Variants in RUBCN observed in about 807,000 individuals in gnomAD.
RUBCN encodes the protein rubicon autophagy regulator, also known as run domain Beclin-1-interacting and cysteine-rich domain-containing protein.
Under a neutral mutation model 113.2 loss-of-function variants are expected in RUBCN, and 74 were observed. That is an observed-to-expected ratio of 0.65 (90% CI 0.54 to 0.79). RUBCN has a LOEUF of 0.79. Ranked by LOEUF, RUBCN falls within the 30% of genes least tolerant of loss-of-function variation. RUBCN has a pLI of 0.00. For synonymous variants in RUBCN, 480 were observed against 490.0 expected, an observed-to-expected ratio of 0.98 and a Z score of 0.27; for missense variants, 1,109 against 1,251.7, an observed-to-expected ratio of 0.89 and a Z score of 1.72.
At chr3:197,710,434 C>T (rs1419849538) in intron 2 of RUBCN, among the ~76,000 whole-genome samples, 1 of 151,796 alleles carries the variant, frequency 6.6e-6, no homozygotes, top group Non-Finnish European at 1.5e-5. Context: ...AACCCCATCT[C>T]TACTAAAAAT....
chr3:197,718,638 A>G (rs1725808584), intron 1 of RUBCN, among the ~76,000 whole-genome samples: 1 of 152,004 alleles, frequency 6.6e-6, no homozygotes, highest in Non-Finnish European at 1.5e-5. Context: ...TTTTGTAGAG[A>G]TGGGGTCTCA....
intron 1 of RUBCN, among the ~76,000 whole-genome samples, chr3:197,720,028 G>C (rs904210766): frequency 1.3e-5 from 2 of 151,854 alleles, no homozygotes; most frequent in African/African-American, 4.9e-5. Flanking sequence ...TACTCCTTCT[G>C]TCTAACTGTC....
upstream of RUBCN, among the ~76,000 whole-genome samples, chr3:197,740,841 G>A (rs1008547573): frequency 1.3e-5 from 2 of 151,944 alleles, no homozygotes; most frequent in Admixed American, 1.3e-4. Context: ...GGCTGGTCTC[G>A]AACTTCTGAC....
intron 1 of RUBCN, among the ~76,000 whole-genome samples, chr3:197,734,709 G>A (rs575834258): frequency 2.2e-4 from 34 of 152,218 alleles, no homozygotes; most frequent in Middle Eastern, 3.4e-3. Context: ...AGTGGTAGAG[G>A]GAAATCAAAA....
In RUBCN at chr3:197,675,166, A is replaced by G. The variant is rs1415800408; in HGVS notation, c.2771T>C (p.Phe924Ser). 4 of 1,614,124 alleles carry G rather than the reference A, an allele frequency of 2.5e-6. No homozygotes were observed. Among genetic ancestry groups the G allele is most frequent in the Non-Finnish European group, 3.4e-6 (4 of 1,180,036 alleles). ...ECKACYHKAC[F>S]KSGSCPRCER... is the part of the protein sequence containing the mutation. ...GCAGCGCGGACAGCTTCCAGACTTG[A>G]AGCAGGCTTTATGGTAACACGCTTT... Residue 924 changes from phenylalanine to serine, a missense_variant, in exon 20 of 20, where the codon TTC (phenylalanine) becomes TCC (serine). Around this residue, in one of 3 missense-constraint regions of RUBCN, gnomAD observed 306 missense variants for 348.9 expected, o/e 0.88. Coordinates refer to ENST00000296343, the MANE Select transcript of RUBCN (RefSeq NM_014687.4). This position sits in a 1 kb window ranked among gnomAD's most constrained non-coding sequence, Gnocchi z 4.4.
In RUBCN at chr3:197,746,993, G is replaced by T. The variant is rs191165031; in HGVS notation, c.-116+2276C>A. Among the ~76,000 whole-genome samples the T allele has an allele frequency of 2.2e-3, 339 of 151,906 alleles. 1 individual carries two copies. Among genetic ancestry groups the T allele is most frequent in the African/African-American group, 7.7e-3 (318 of 41,408 alleles). On this transcript the variant is annotated intron_variant, in intron 1 of 20. Coordinates refer to the RUBCN transcript ENST00000273582. ...ATGCTCAATGAATATATGATTAAATGAATAGCTACCTCTCCTGCCCCAGAA... is the reference window on the plus strand; with the variant it reads ...ATGCTCAATGAATATATGATTAAATTAATAGCTACCTCTCCTGCCCCAGAA...
At chr3:197,699,126 T>C (rs1723346120) in intron 7 of RUBCN, 1 of 1,231,632 alleles carries the variant, frequency 8.1e-7, no homozygotes, top group African/African-American at 1.5e-5. Context: ...AAGGAGGTTC[T>C]GAACTAAGAA....
chr3:197,740,094 G>C (rs9814756), upstream of RUBCN, among the ~76,000 whole-genome samples: 14 of 152,136 alleles, frequency 9.2e-5, no homozygotes, highest in African/African-American at 3.4e-4. Flanking sequence ...CTGGAAAACA[G>C]GCTTTTTCTC....
At chr3:197,719,207 T>G (rs1725867259) in intron 1 of RUBCN, among the ~76,000 whole-genome samples, 1 of 152,124 alleles carries the variant, frequency 6.6e-6, no homozygotes, top group Non-Finnish European at 1.5e-5. Context: ...CTGGACGCAG[T>G]GGCTCACACC....
chr3:197,740,221 C>A (rs1320965338), upstream of RUBCN, among the ~76,000 whole-genome samples: 1 of 132,084 alleles, frequency 7.6e-6, no homozygotes, highest in African/African-American at 2.5e-5. Flanking sequence ...CCCTCATAAT[C>A]CTGAACCCCT....
chr3:197,710,888 G>C (rs1724891952), intron 2 of RUBCN, among the ~76,000 whole-genome samples: 1 of 151,312 alleles, frequency 6.6e-6, no homozygotes, highest in Non-Finnish European at 1.5e-5. Context: ...GTGTGATCTT[G>C]GCTCACTGCA....
Position 197,671,754 on chromosome 3 carries a change from G to A in RUBCN, c.*3264C>T, listed in dbSNP as rs1037495360. ...TCTAAGGCAAGTCAGATGTTGCGGA[G>A]AGGAAGACACCTCATTTTAAGTGAC... On this transcript the variant is annotated 3_prime_UTR_variant, in exon 20 of 20. Coordinates refer to ENST00000296343, the MANE Select transcript of RUBCN (RefSeq NM_014687.4). 6.6e-6 allele frequency: 1 copy of A among 152,180 alleles called. No homozygotes were observed. The highest frequency in any genetic ancestry group is 1.5e-5 in the Non-Finnish European group (1 of 68,034). The allele number at this position is 152,180 out of a possible 1,614,324, so 9.4% of individuals were successfully genotyped here.
At chr3:197,708,554 CAAAAAAAA>C (rs113534449) in intron 2 of RUBCN, among the ~76,000 whole-genome samples, 1 of 74,568 alleles carries the variant, frequency 1.3e-5, no homozygotes, top group South Asian at 5.1e-4. Context: ...GTGGTAGACT[CAAAAAAAA>C]AAAAAAAAAA....
At chr3:197,731,476 T>C (rs1439818824) in intron 1 of RUBCN, among the ~76,000 whole-genome samples, 2 of 152,216 alleles carry the variant, frequency 1.3e-5, no homozygotes, top group South Asian at 2.1e-4. Context: ...AAACCGCCAT[T>C]GTCATCATGG....
intron 1 of RUBCN, among the ~76,000 whole-genome samples, chr3:197,748,973 A>G (rs1728879342): frequency 6.6e-6 from 1 of 152,236 alleles, no homozygotes; most frequent in South Asian, 2.1e-4. Flanking sequence ...TTCTAGGTGG[A>G]CAGAATGCAT....
chr3:197,736,953 C>A (rs9837198), upstream of RUBCN: 33 of 1,309,834 alleles, frequency 2.5e-5, no homozygotes, highest in Non-Finnish European at 3.1e-5. Flanking sequence ...CACTCCGAGG[C>A]TAGGCCGCTC....
At chr3:197,726,770 G>T (rs2108985792) in intron 1 of RUBCN, among the ~76,000 whole-genome samples, 1 of 151,658 alleles carries the variant, frequency 6.6e-6, no homozygotes, top group Non-Finnish European at 1.5e-5. Context: ...TCAAACTCCT[G>T]ACCTCATGAT....
chr3:197,700,496 T>C lies in RUBCN; in HGVS notation c.1261+117A>G, dbSNP rs1723521086. On this transcript the variant is annotated intron_variant, in intron 7 of 19. Coordinates refer to ENST00000296343, the MANE Select transcript of RUBCN (RefSeq NM_014687.4). ...ACTTCTTTCATTACAAAATAAGATG[T>C]TGTATCACCAGAAACAGAACATCTC... 5 of 930,844 alleles carry C rather than the reference T, an allele frequency of 5.4e-6. No homozygotes were observed. In the South Asian group the frequency reaches 5.7e-5, roughly 11 times the overall value. The allele number at this position is 930,844 out of a possible 1,614,324, so 57.7% of individuals were successfully genotyped here.
Position 197,681,525 on chromosome 3 carries a change from G to A in RUBCN, c.2192-158C>T, listed in dbSNP as rs1371638954. Among the ~76,000 whole-genome samples the A allele has an allele frequency of 6.6e-6, 1 of 152,142 alleles. No individual in the cohort carries two copies. The highest frequency in any genetic ancestry group is 1.9e-4 in the East Asian group (1 of 5,192). ...CAAAGCTTGCAGAAATCCACATAGTGGATCCTGGGGTGATAATGTCCTACC... is the reference window on the plus strand; with the variant it reads ...CAAAGCTTGCAGAAATCCACATAGTAGATCCTGGGGTGATAATGTCCTACC... On this transcript the variant is annotated intron_variant, in intron 15 of 19. Coordinates refer to ENST00000296343, the MANE Select transcript of RUBCN (RefSeq NM_014687.4). The surrounding 1 kb of genome is among the most constrained non-coding windows in gnomAD (Gnocchi z 5.5).
Sources: allele counts gnomAD v4.1 joint callset (sites outside exome capture counted in the v4.1 genomes callset), GRCh38; gene constraint gnomAD v4.1.1; regional missense constraint gnomAD v4.1.1; non-coding constraint Gnocchi (gnomAD v3.1); transcripts MANE v1.5; gene names NCBI Gene and HGNC (gene_info 2026-07-23, HGNC 2026-07-21).